GRID2: variants seen among roughly 807,000 people sequenced by gnomAD.
The protein encoded by GRID2 is glutamate ionotropic receptor delta type subunit 2, also known as glutamate receptor ionotropic, delta-2.
GRID2 carries 33 observed loss-of-function variants against 114.8 expected under a neutral mutation model. The observed-to-expected ratio is 0.29, with a 90% CI of 0.22 to 0.38. GRID2 has a LOEUF of 0.38. Among genes scored for constraint, GRID2 ranks in the 10% least tolerant of loss-of-function variants. The pLI, the probability that GRID2 is intolerant of heterozygous loss-of-function variation, is 1.00. For missense variants in GRID2, 1,184 were observed against 1,257.7 expected, an observed-to-expected ratio of 0.94 and a Z score of 0.89; for synonymous variants, 505 against 449.9, an observed-to-expected ratio of 1.12 and a Z score of -1.55.
At chr4:92,329,476 G>A (rs1186535813) in intron 1 of GRID2, among the ~76,000 whole-genome samples, 2 of 151,890 alleles carry the variant, frequency 1.3e-5, no homozygotes, top group African/African-American at 4.8e-5. Flanking sequence ...TGTCTGTCCT[G>A]TTGGTCATTT....
intron 2 of GRID2, among the ~76,000 whole-genome samples, chr4:92,973,511 C>G (rs187271615): frequency 6.6e-6 from 1 of 152,050 alleles, no homozygotes; most frequent in South Asian, 2.1e-4. Flanking sequence ...TGAGAAAATA[C>G]TATTCTACCT....
chr4:93,637,446 T>C (rs1578455399), intron 14 of GRID2, among the ~76,000 whole-genome samples: 1 of 152,144 alleles, frequency 6.6e-6, no homozygotes, highest in Non-Finnish European at 1.5e-5. Context: ...CTGGCTCATA[T>C]TCCCACAAGT....
intron 2 of GRID2, among the ~76,000 whole-genome samples, chr4:92,935,337 A>G (rs1321840861): frequency 6.8e-6 from 1 of 147,244 alleles, no homozygotes; most frequent in Admixed American, 7.3e-5. Flanking sequence ...ACAATGAGAT[A>G]CCATCTCACA....
chr4:93,511,558 G>C (rs913537904), intron 12 of GRID2, among the ~76,000 whole-genome samples: 4 of 152,112 alleles, frequency 2.6e-5, no homozygotes, highest in Admixed American at 1.3e-4. Flanking sequence ...CCACCACTTA[G>C]AGCTATAGAC....
At chr4:92,468,694 C>G (rs1246952507) in intron 1 of GRID2, among the ~76,000 whole-genome samples, 1 of 151,894 alleles carries the variant, frequency 6.6e-6, no homozygotes, top group Non-Finnish European at 1.5e-5. Flanking sequence ...TTTTTACTTT[C>G]TAGAAGTTTT....
intron 1 of GRID2, among the ~76,000 whole-genome samples, chr4:92,453,174 A>G (rs541241294): frequency 6.6e-5 from 10 of 152,114 alleles, no homozygotes; most frequent in Non-Finnish European, 1.5e-4. Flanking sequence ...AGAGGGAAAT[A>G]AAGGAGGCAG....
At chr4:92,828,585 C>A in intron 2 of GRID2, among the ~76,000 whole-genome samples, 1 of 151,980 alleles carries the variant, frequency 6.6e-6, no homozygotes, top group East Asian at 1.9e-4. Flanking sequence ...AAAATAAATT[C>A]ATATTTGGTT....
At chr4:93,131,504 AGAG>A (rs1328918958) in intron 4 of GRID2, among the ~76,000 whole-genome samples, 1 of 151,946 alleles carries the variant, frequency 6.6e-6, no homozygotes. Flanking sequence ...TTTTAAATTA[AGAG>A]GAGGTTAAAA....
chr4:93,310,319 AG>A (rs1204342178), intron 8 of GRID2, among the ~76,000 whole-genome samples: 1 of 152,074 alleles, frequency 6.6e-6, no homozygotes, highest in Admixed American at 6.6e-5. Context: ...CAGGAGTTTG[AG>A]GCCAGCTTGG....
intron 8 of GRID2, among the ~76,000 whole-genome samples, chr4:93,289,931 A>G (rs1292039592): frequency 6.6e-6 from 1 of 152,252 alleles, no homozygotes; most frequent in Non-Finnish European, 1.5e-5. Context: ...TAAGAAAAAT[A>G]TAAAACTAGG....
intron 8 of GRID2, among the ~76,000 whole-genome samples, chr4:93,389,786 T>C (rs986435623): frequency 6.6e-6 from 1 of 151,282 alleles, no homozygotes; most frequent in Non-Finnish European, 1.5e-5. Flanking sequence ...GCAAGTTTTT[T>C]TTTTTCTTTT....
chr4:93,231,131 C>T (rs1162772634), intron 7 of GRID2, among the ~76,000 whole-genome samples: 1 of 151,994 alleles, frequency 6.6e-6, no homozygotes, highest in African/African-American at 2.4e-5. Context: ...TCAATTTGCC[C>T]AGTGCAGATC....
rs1477531727 is a variant in GRID2 at position 92,661,520 on chromosome 4, TAATG to T, written c.244+71237_244+71240del. Among the ~76,000 whole-genome samples the T allele has an allele frequency of 3.3e-5, 5 of 150,946 alleles. No homozygotes were observed. In the East Asian group the frequency reaches 9.7e-4, roughly 29 times the overall value. ...AGAATGAGCTATGTGCCTCATTTCT[TAATG>T]AACATTTATTGATGCAAATGAAAAT... On this transcript the variant is annotated intron_variant, in intron 2 of 15. Coordinates refer to ENST00000282020, the MANE Select transcript of GRID2 (RefSeq NM_001510.4).
At chr4:92,540,707 A>G (rs1369407796) in intron 1 of GRID2, among the ~76,000 whole-genome samples, 1 of 152,206 alleles carries the variant, frequency 6.6e-6, no homozygotes, top group Non-Finnish European at 1.5e-5. Context: ...ACTATAAACT[A>G]GTTCAACCAT....
Position 92,500,398 on chromosome 4 carries a change from A to T in GRID2, c.89-89733A>T, listed in dbSNP as rs141300989. Among the ~76,000 whole-genome samples, 1,171 of 152,134 alleles carry T rather than the reference A, an allele frequency of 7.7e-3. 11 individuals are homozygous for T. Among genetic ancestry groups the T allele is most frequent in the African/African-American group, 0.026 (1,070 of 41,528 alleles). ...AAGTTAAATTCTTTTAAAAAAAAAC[A>T]TATTTTTATTCACATTCCTTTGAGA... On this transcript the variant is annotated intron_variant, in intron 1 of 15. Coordinates refer to ENST00000282020, the MANE Select transcript of GRID2 (RefSeq NM_001510.4).
chr4:92,343,205 G>A lies in GRID2; in HGVS notation c.88+38461G>A, dbSNP rs557478984. Among the ~76,000 whole-genome samples, 7 of 150,242 alleles carry A rather than the reference G, an allele frequency of 4.7e-5. No homozygotes were observed. In the East Asian group the frequency reaches 1.4e-3, roughly 29 times the overall value. On this transcript the variant is annotated intron_variant, in intron 1 of 15. Coordinates refer to ENST00000282020, the MANE Select transcript of GRID2 (RefSeq NM_001510.4). The stretch of plus-strand genomic sequence containing the variant: ...GTAAAACTTCGATTTTCTTCTCTGT[G>A]TGTTTTTTTGCATGGTGGGTGATGT...
chr4:93,127,342 G>C (rs1206941662), intron 4 of GRID2, among the ~76,000 whole-genome samples: 1 of 152,116 alleles, frequency 6.6e-6, no homozygotes, highest in East Asian at 1.9e-4. Context: ...TGAGGGACAA[G>C]AGTGTGCTAG....
At chr4:93,793,367 C>G (rs1407082283) in intron 1 of GRID2, among the ~76,000 whole-genome samples, 13 of 152,138 alleles carry the variant, frequency 8.5e-5, no homozygotes, top group Admixed American at 8.5e-4. Context: ...TAATTAGATT[C>G]TGATAATGAA....
At chr4:93,798,007 G>C (rs900419120) in intron 1 of GRID2, among the ~76,000 whole-genome samples, 7 of 151,848 alleles carry the variant, frequency 4.6e-5, no homozygotes, top group Non-Finnish European at 8.8e-5. Context: ...ACAAAAATTA[G>C]CCAGGCATGG....
Sources: gnomAD v4.1 joint callset for allele counts (sites outside exome capture counted in the v4.1 genomes callset) on GRCh38, gnomAD v4.1.1 for gene constraint, MANE v1.5 for transcripts, NCBI Gene and HGNC (gene_info 2026-07-23, HGNC 2026-07-21) for gene names.